Variants in NXN observed in about 807,000 individuals in gnomAD.
The protein encoded by NXN is nucleoredoxin, also known as nucleoredoxin 1.
In NXN, 16 loss-of-function variants were observed where a neutral mutation model predicts 48.6. The ratio of observed to expected loss-of-function variants is 0.33; its 90% CI spans 0.22 to 0.50. The LOEUF (loss-of-function observed/expected upper bound fraction) is 0.50. Ranked by LOEUF, NXN falls within the 20% of genes least tolerant of loss-of-function variation. NXN has a pLI of 0.98. For missense variants in NXN, 492 were observed against 605.5 expected, an observed-to-expected ratio of 0.81 and a Z score of 1.97; for synonymous variants, 281 against 269.6, an observed-to-expected ratio of 1.04 and a Z score of -0.41.
Position 921,548 on chromosome 17 carries a change from T to C in NXN, c.360+57771A>G, listed in dbSNP as rs2068750494. Reference sequence around the variant, plus strand: ...CCCCTGAATGCTGGGGGTGATGGTTTCACCCTTGGCTTTCTCCTCCTGTCC... The same window carrying C: ...CCCCTGAATGCTGGGGGTGATGGTTCCACCCTTGGCTTTCTCCTCCTGTCC... On this transcript the variant is annotated intron_variant, in intron 1 of 7. Coordinates refer to ENST00000336868, the MANE Select transcript of NXN (RefSeq NM_022463.5). Among the ~76,000 whole-genome samples, 2 of 152,164 alleles carry C rather than the reference T, an allele frequency of 1.3e-5. 1 individual carries two copies. Among genetic ancestry groups the C allele is most frequent in the Admixed American group, 1.3e-4 (2 of 15,272 alleles).
At chr17:879,485 C>T (rs1038315588) in intron 1 of NXN, among the ~76,000 whole-genome samples, 3 of 151,874 alleles carry the variant, frequency 2.0e-5, no homozygotes, top group Non-Finnish European at 4.4e-5. Flanking sequence ...CGGGGTCTCA[C>T]CAAGTTGGCC....
intron 1 of NXN, among the ~76,000 whole-genome samples, chr17:971,236 G>A (rs898871654): frequency 1.2e-4 from 18 of 151,880 alleles, no homozygotes; most frequent in African/African-American, 2.7e-4. Flanking sequence ...GTGAGCCACC[G>A]CGCGTGGCCG....
intron 1 of NXN, among the ~76,000 whole-genome samples, chr17:882,655 C>G (rs1415664144): frequency 6.6e-6 from 1 of 152,172 alleles, no homozygotes; most frequent in Non-Finnish European, 1.5e-5. Context: ...TTAGTAGAGA[C>G]AGGGTTTCAC....
At chr17:892,614 A>G (rs1278058128) in intron 1 of NXN, among the ~76,000 whole-genome samples, 1 of 135,096 alleles carries the variant, frequency 7.4e-6, no homozygotes, top group Non-Finnish European at 1.6e-5. Flanking sequence ...CACTGCTGAC[A>G]CTTTGCTGGG....
chr17:816,337 T>A (rs1912471327), intron 5 of NXN, among the ~76,000 whole-genome samples: 1 of 110,534 alleles, frequency 9.0e-6, no homozygotes, highest in African/African-American at 4.5e-5. Flanking sequence ...AGACCTTCAC[T>A]GTCCCTGTCA....
intron 1 of NXN, among the ~76,000 whole-genome samples, chr17:875,141 T>C (rs12185275): frequency 0.26 from 39,061 of 151,826 alleles, 5,265 homozygotes; most frequent in Middle Eastern, 0.37. Flanking sequence ...AAGTGATTCT[T>C]GTGCCTCGGC....
rs561975799 is a variant in NXN at position 890,999 on chromosome 17, AAATC to A, written c.361-64925_361-64922del. Among the ~76,000 whole-genome samples, 47 of 142,832 alleles carry A rather than the reference AAATC, an allele frequency of 3.3e-4. No homozygotes were observed. The South Asian group carries it at 9.4e-3, about 29-fold the overall frequency. 93.7% of individuals were successfully genotyped at this position (142,832 alleles called of 152,430 possible). On this transcript the variant is annotated intron_variant, in intron 1 of 7. Coordinates refer to ENST00000336868, the MANE Select transcript of NXN (RefSeq NM_022463.5). ...TGGAACATTTGTATTTTTCCCTTAC[AAATC>A]AATCAATCTATCTATCGGTCTGTCT...
intron 1 of NXN, among the ~76,000 whole-genome samples, chr17:914,711 A>G (rs1328864866): frequency 6.6e-6 from 1 of 152,178 alleles, no homozygotes; most frequent in Non-Finnish European, 1.5e-5. Flanking sequence ...CCATTGAGTG[A>G]GGTCATTAAC....
At chr17:969,137 C>T (rs1028004312) in intron 1 of NXN, among the ~76,000 whole-genome samples, 3 of 152,080 alleles carry the variant, frequency 2.0e-5, no homozygotes, top group Non-Finnish European at 4.4e-5. Flanking sequence ...GAATGAATAC[C>T]GAAGCGCCTG....
At chr17:877,419 T>G (rs2144824158) in intron 1 of NXN, among the ~76,000 whole-genome samples, 1 of 152,256 alleles carries the variant, frequency 6.6e-6, no homozygotes, top group South Asian at 2.1e-4. Flanking sequence ...GTGCTGGAAT[T>G]ACAGGCGTGA....
At chr17:814,546 C>T (rs906269982) in intron 5 of NXN, among the ~76,000 whole-genome samples, 3 of 152,200 alleles carry the variant, frequency 2.0e-5, no homozygotes, top group South Asian at 2.1e-4. Context: ...TCCAGGCCCT[C>T]GTACGAAATG....
chr17:959,658 G>C (rs1188875566), intron 1 of NXN, among the ~76,000 whole-genome samples: 1 of 151,596 alleles, frequency 6.6e-6, no homozygotes, highest in Non-Finnish European at 1.5e-5. Context: ...GTTAGGTGTG[G>C]TGGCAGGCGC....
rs368571364 is a variant in NXN, at chr17:839,273, A to G, written c.361-13195T>C. 3.0e-4 allele frequency among the ~76,000 whole-genome samples: 46 copies of G among 151,730 alleles called. 2 individuals are homozygous for G. Among genetic ancestry groups the G allele is most frequent in the African/African-American group, 1.1e-3 (46 of 41,364 alleles). ...AACATGGTGAAACCCCATCTCTCCT[A>G]AAAATACAAAAATTAGCTGGTCTTG... is the stretch of plus-strand genomic sequence containing the variant. On this transcript the variant is annotated intron_variant, in intron 1 of 7. Transcript: ENST00000336868.
At chr17:910,994 C>T (rs2068630397) in intron 1 of NXN, 1 of 151,980 alleles carries the variant, frequency 6.6e-6, no homozygotes, top group African/African-American at 2.4e-5. Flanking sequence ...TCTTTTTTAG[C>T]TTTTTTTTAA....
rs1027998649 is a variant in NXN, at chr17:811,516, G to GA, written c.821-6270_821-6269insT. On this transcript the variant is annotated intron_variant, in intron 5 of 7. Transcript: ENST00000336868. ...TGCGTAAAGCCCCGGGGTTGGGGGG[G>GA]GGGCAGCACTCTGGAAGCCAGTTAT... Among the ~76,000 whole-genome samples, 82 of 152,146 alleles carry GA rather than the reference G, an allele frequency of 5.4e-4. 1 individual carries two copies. Among genetic ancestry groups the GA allele is most frequent in the African/African-American group, 1.9e-3 (78 of 41,514 alleles).
At chr17:968,831 G>A (rs1269450884) in intron 1 of NXN, among the ~76,000 whole-genome samples, 2 of 151,958 alleles carry the variant, frequency 1.3e-5, no homozygotes, top group Admixed American at 6.6e-5. Context: ...CAGCTACTCA[G>A]GAGGCTGAGG....
chr17:823,985 T>A (rs1004272733), intron 2 of NXN, among the ~76,000 whole-genome samples: 1 of 151,122 alleles, frequency 6.6e-6, no homozygotes, highest in Non-Finnish European at 1.5e-5. Flanking sequence ...CCTGCCCTCC[T>A]GGCAACGGTT....
chr17:970,118 A>C (rs1269952413), intron 1 of NXN, among the ~76,000 whole-genome samples: 1 of 152,206 alleles, frequency 6.6e-6, no homozygotes, highest in African/African-American at 2.4e-5. Context: ...GGCAAGCCGC[A>C]GAAAATTTAC....
At chr17:854,381 G>A (rs2144758604) in intron 1 of NXN, among the ~76,000 whole-genome samples, 1 of 152,130 alleles carries the variant, frequency 6.6e-6, no homozygotes, top group Non-Finnish European at 1.5e-5. Flanking sequence ...GGGAGCGGTG[G>A]CTCACGCCTG....
Sources: allele counts gnomAD v4.1 joint callset (sites outside exome capture counted in the v4.1 genomes callset), GRCh38; gene constraint gnomAD v4.1.1; transcripts MANE v1.5; gene names NCBI Gene and HGNC (gene_info 2026-07-23, HGNC 2026-07-21).